The following ABCA6 variants were observed in gnomAD, a reference collection of about 807,000 sequenced individuals.
ABCA6 encodes ATP-binding cassette sub-family A member 6.
In ABCA6, 164 loss-of-function variants were observed where a neutral mutation model predicts 191.2. That is an observed-to-expected ratio of 0.86 (90% CI 0.76 to 0.98). ABCA6 has a LOEUF of 0.98. Among genes scored for constraint, ABCA6 ranks in the 50% least tolerant of loss-of-function variants. The pLI, the probability that ABCA6 is intolerant of heterozygous loss-of-function variation, is 0.00. For missense variants in ABCA6, 1,958 were observed against 1,894.1 expected, an observed-to-expected ratio of 1.03 and a Z score of -0.63; for synonymous variants, 636 against 647.7, an observed-to-expected ratio of 0.98 and a Z score of 0.27.
chr17:69,113,271 A>G lies in ABCA6; in HGVS notation c.1992T>C (p.His664=). 6.2e-7 allele frequency: 1 copy of G among 1,605,968 alleles called. No homozygotes were observed. Among genetic ancestry groups the G allele is most frequent in the Non-Finnish European group, 8.5e-7 (1 of 1,177,662 alleles). Residue 664 remains histidine (H), a synonymous_variant, in exon 15 of 39, where the codon CAT becomes CAC. Coordinates refer to ENST00000284425, the MANE Select transcript of ABCA6 (RefSeq NM_080284.3). The part of the protein sequence containing the change: ...WSLLRERRAD[H]VILFSTQSMD... The stretch of plus-strand genomic sequence containing the variant: ...TGGACTGGGTACTGAAAAGGATCAC[A>G]TGATCTGCTCTACGCTCTCTCAGGA...
chr17:69,095,995 A>G (rs976021290), intron 25 of ABCA6, among the ~76,000 whole-genome samples: 6 of 152,226 alleles, frequency 3.9e-5, no homozygotes, highest in Non-Finnish European at 5.9e-5. Flanking sequence ...CATAAACTCA[A>G]CAGGACGTTT....
At chr17:69,116,885 T>C (rs1173204095) in intron 11 of ABCA6, among the ~76,000 whole-genome samples, 1 of 152,156 alleles carries the variant, frequency 6.6e-6, no homozygotes, top group East Asian at 1.9e-4. Context: ...TTTAATTTTT[T>C]AAGGTGCTGC....
chr17:69,138,502 T>C (rs903912015), intron 2 of ABCA6, among the ~76,000 whole-genome samples: 5 of 152,066 alleles, frequency 3.3e-5, no homozygotes, highest in Non-Finnish European at 5.9e-5. Flanking sequence ...ATCAATATCG[T>C]GAAAATGGCC....
chr17:69,091,697 T>C (rs1189987081), intron 25 of ABCA6, among the ~76,000 whole-genome samples: 1 of 72,734 alleles, frequency 1.4e-5, no homozygotes, highest in Non-Finnish European at 2.8e-5. Flanking sequence ...TAATTTTTTG[T>C]ATTTTTAGTA....
chr17:69,112,751 C>T (rs78536465), intron 15 of ABCA6: 3,018 of 154,396 alleles, frequency 0.02, 89 homozygotes, highest in African/African-American at 0.068. Flanking sequence ...TGGACTTCAC[C>T]ACTACATAAT....
chr17:69,101,247 T>A (rs1204603450), intron 21 of ABCA6, among the ~76,000 whole-genome samples: 1 of 152,116 alleles, frequency 6.6e-6, no homozygotes, highest in Non-Finnish European at 1.5e-5. Context: ...GAAATTTCAT[T>A]TAGTAGAGTT....
intron 22 of ABCA6, 41 bp downstream of exon 22, chr17:69,100,756 C>A: frequency 6.5e-7 from 1 of 1,532,416 alleles, no homozygotes; most frequent in Non-Finnish European, 8.8e-7. Context: ...GGCTATTTGT[C>A]CAATTCTTAA....
intron 10 of ABCA6, among the ~76,000 whole-genome samples, chr17:69,122,381 T>A (rs6501183): frequency 1.3e-5 from 2 of 151,920 alleles, no homozygotes; most frequent in African/African-American, 4.8e-5. Flanking sequence ...TTGAAATCCA[T>A]GATACTTGGG....
intron 22 of ABCA6, chr17:69,099,446 G>A (rs2073125377): frequency 6.6e-6 from 1 of 151,218 alleles, no homozygotes; most frequent in African/African-American, 2.4e-5. Context: ...ATGGCATTAG[G>A]AAGCTAATAA....
intron 2 of ABCA6, among the ~76,000 whole-genome samples, chr17:69,138,751 T>C (rs1489733025): frequency 6.7e-6 from 1 of 149,678 alleles, no homozygotes; most frequent in Admixed American, 6.7e-5. Flanking sequence ...AACAGAGATA[T>C]AGATCAATGG....
At chr17:69,100,974 C>A in intron 21 of ABCA6, 40 bp from the exon 22 acceptor site, 1 of 1,513,018 alleles carries the variant, frequency 6.6e-7, no homozygotes. Context: ...ATGCTAAATT[C>A]TTAAAGAACA....
rs182444259 is a variant in ABCA6 at position 69,126,155 on chromosome 17, A to G, written c.1120-1120T>C. On this transcript the variant is annotated intron_variant, in intron 8 of 38. Transcript: ENST00000284425. ...ATGATTATATATGTATAAAACCCAG[A>G]AAAATATTGGGTTTAGTAAGAGAAT... is the stretch of plus-strand genomic sequence containing the variant. Among the ~76,000 whole-genome samples, 83 of 152,262 alleles carry G rather than the reference A, an allele frequency of 5.5e-4. 1 individual carries two copies. Among genetic ancestry groups the G allele is most frequent in the South Asian group, 1.0e-3 (5 of 4,820 alleles).
At chr17:69,097,533 G>A (rs993510816) in intron 23 of ABCA6, among the ~76,000 whole-genome samples, 1 of 152,024 alleles carries the variant, frequency 6.6e-6, no homozygotes, top group Non-Finnish European at 1.5e-5. Flanking sequence ...GGGCATAATC[G>A]AATACAAATA....
chr17:69,105,167 G>C, intron 20 of ABCA6: 1 of 314,356 alleles, frequency 3.2e-6, no homozygotes, highest in Non-Finnish European at 5.8e-6. Flanking sequence ...AAATAGAACG[G>C]GTGTGCCAAT....
intron 6 of ABCA6, 118 bp from the exon 7 acceptor site, chr17:69,129,869 C>T (rs778487929): frequency 1.1e-5 from 8 of 707,046 alleles, no homozygotes; most frequent in Non-Finnish European, 1.8e-5. Context: ...AGATTAATAA[C>T]TATACTGTTA....
intron 21 of ABCA6, among the ~76,000 whole-genome samples, chr17:69,102,086 C>T (rs554912117): frequency 4.6e-5 from 7 of 152,284 alleles, no homozygotes; most frequent in African/African-American, 1.7e-4. Context: ...TAGCTTATGC[C>T]TGTAATCCCA....
At chr17:69,100,368 C>T (rs1363138895) in intron 22 of ABCA6, among the ~76,000 whole-genome samples, 1 of 152,026 alleles carries the variant, frequency 6.6e-6, no homozygotes, top group Non-Finnish European at 1.5e-5. Context: ...AACAGATAGC[C>T]CCAGAACTGG....
intron 10 of ABCA6, among the ~76,000 whole-genome samples, chr17:69,122,022 C>T (rs758472438): frequency 2.0e-4 from 31 of 151,998 alleles, no homozygotes; most frequent in Non-Finnish European, 1.9e-4. Context: ...TATTTCACTT[C>T]CTAGATATGG....
At chr17:69,082,371 G>A (rs549951160) in intron 36 of ABCA6, among the ~76,000 whole-genome samples, 1 of 150,216 alleles carries the variant, frequency 6.7e-6, no homozygotes, top group Non-Finnish European at 1.5e-5. Flanking sequence ...ACAGATATGT[G>A]GGCATGCACA....
Sources: gnomAD v4.1 joint callset for allele counts (sites outside exome capture counted in the v4.1 genomes callset) on GRCh38, gnomAD v4.1.1 for gene constraint, MANE v1.5 for transcripts, NCBI Gene and HGNC (gene_info 2026-07-23, HGNC 2026-07-21) for gene names.